Variants in SCFD2 observed in about 807,000 individuals in gnomAD.
SCFD2 encodes sec1 family domain-containing protein 2.
Under a neutral mutation model 58.9 loss-of-function variants are expected in SCFD2, and 54 were observed. The ratio of observed to expected loss-of-function variants is 0.92; its 90% CI spans 0.74 to 1.15. SCFD2 has a LOEUF of 1.15. SCFD2 is among the 50% of genes most tolerant of loss of function. The pLI, the probability that SCFD2 is intolerant of heterozygous loss-of-function variation, is 0.00. For synonymous variants in SCFD2, 321 were observed against 335.9 expected, an observed-to-expected ratio of 0.96 and a Z score of 0.49; for missense variants, 805 against 836.6, an observed-to-expected ratio of 0.96 and a Z score of 0.47.
intron 7 of SCFD2, among the ~76,000 whole-genome samples, chr4:52,896,251 G>C (rs954696875): frequency 2.6e-5 from 4 of 152,180 alleles, no homozygotes; most frequent in African/African-American, 9.7e-5. Flanking sequence ...CCTATGTCCT[G>C]AATGGTATTG....
intron 3 of SCFD2, among the ~76,000 whole-genome samples, chr4:53,292,715 G>T (rs1435603916): frequency 6.6e-6 from 1 of 152,112 alleles, no homozygotes; most frequent in Non-Finnish European, 1.5e-5. Context: ...ATACCCAAAG[G>T]AATATAAATC....
At chr4:53,352,467 A>T in intron 2 of SCFD2, 131 bp downstream of exon 2, 1 of 614,460 alleles carries the variant, frequency 1.6e-6, no homozygotes, top group Non-Finnish European at 2.7e-6. Context: ...CTTTTTGCTA[A>T]ATGCTACCCA....
chr4:53,159,787 CT>C (rs1726798829), intron 4 of SCFD2, among the ~76,000 whole-genome samples: 1 of 152,182 alleles, frequency 6.6e-6, no homozygotes, highest in African/African-American at 2.4e-5. Context: ...TTCAGAAGCC[CT>C]AGTGACAGCT....
intron 2 of SCFD2, among the ~76,000 whole-genome samples, chr4:53,338,557 A>C (rs945472944): frequency 3.4e-5 from 5 of 149,108 alleles, no homozygotes; most frequent in Non-Finnish European, 5.9e-5. Context: ...GGAGGCCAAA[A>C]GAAAGCAGTA....
intron 5 of SCFD2, among the ~76,000 whole-genome samples, chr4:52,971,876 A>G (rs1462751848): frequency 6.6e-6 from 1 of 152,226 alleles, no homozygotes; most frequent in African/African-American, 2.4e-5. Flanking sequence ...ATTCTTAAAG[A>G]AAAGAATTTT....
chr4:53,214,375 T>C (rs1728734701), intron 4 of SCFD2, among the ~76,000 whole-genome samples: 1 of 152,156 alleles, frequency 6.6e-6, no homozygotes, highest in South Asian at 2.1e-4. Context: ...TATCTCATTG[T>C]GATTTTGATT....
At chr4:53,224,747 T>C (rs1292575825) in intron 4 of SCFD2, among the ~76,000 whole-genome samples, 1 of 151,652 alleles carries the variant, frequency 6.6e-6, no homozygotes. Flanking sequence ...TAATTTGCTA[T>C]GCAGCAATAG....
chr4:53,076,725 G>T (rs1723987421), intron 5 of SCFD2, among the ~76,000 whole-genome samples: 1 of 152,158 alleles, frequency 6.6e-6, no homozygotes, highest in South Asian at 2.1e-4. Context: ...CCTTTAAATG[G>T]TGATGAGCAG....
chr4:53,185,176 C>T (rs548393099), intron 4 of SCFD2, among the ~76,000 whole-genome samples: 79 of 152,100 alleles, frequency 5.2e-4, no homozygotes, highest in South Asian at 5.2e-3. Flanking sequence ...AAATGATAAT[C>T]CTTTGTGATA....
chr4:53,165,047 G>A (rs1726967154), intron 4 of SCFD2, among the ~76,000 whole-genome samples: 2 of 152,158 alleles, frequency 1.3e-5, no homozygotes, highest in Admixed American at 6.5e-5. Flanking sequence ...CCTGGAATGC[G>A]CTTTTCTTCC....
At chr4:53,083,559 T>C (rs1316873380) in intron 5 of SCFD2, among the ~76,000 whole-genome samples, 1 of 152,190 alleles carries the variant, frequency 6.6e-6, no homozygotes, top group East Asian at 1.9e-4. Context: ...AACAAGATAC[T>C]AGCAAACCAA....
chr4:53,205,804 G>C (rs897052065), intron 4 of SCFD2, among the ~76,000 whole-genome samples: 6 of 151,764 alleles, frequency 4.0e-5, no homozygotes, highest in African/African-American at 7.3e-5. Context: ...GGAGCTTGCA[G>C]TGAGCCGAGA....
rs367697382 is a variant in SCFD2, at chr4:53,159,544, G to A, written c.1312-13962C>T. 7.2e-5 allele frequency among the ~76,000 whole-genome samples: 11 copies of A among 152,270 alleles called. No individual in the cohort carries two copies. The East Asian group carries it at 1.7e-3, about 24-fold the overall frequency. ...TTATAAGACAATAGATAAATTATATGAGAGTAGAGGCAGTAGCAGGGAAAC... is the reference window on the plus strand; with the variant it reads ...TTATAAGACAATAGATAAATTATATAAGAGTAGAGGCAGTAGCAGGGAAAC... On this transcript the variant is annotated intron_variant, in intron 4 of 8. Coordinates refer to ENST00000401642, the MANE Select transcript of SCFD2 (RefSeq NM_152540.4).
chr4:52,988,178 A>T (rs1721540883), intron 5 of SCFD2, among the ~76,000 whole-genome samples: 1 of 152,238 alleles, frequency 6.6e-6, no homozygotes, highest in Admixed American at 6.5e-5. Flanking sequence ...TGCAGCACAC[A>T]GAAGCTGGGA....
intron 5 of SCFD2, among the ~76,000 whole-genome samples, chr4:53,047,879 T>C (rs1723082652): frequency 6.6e-6 from 1 of 152,118 alleles, no homozygotes; most frequent in African/African-American, 2.4e-5. Context: ...TGCAGGGGTG[T>C]CTAATTCTTC....
chr4:53,292,862 C>T (rs1279078298), intron 3 of SCFD2, among the ~76,000 whole-genome samples: 2 of 150,744 alleles, frequency 1.3e-5, no homozygotes, highest in Non-Finnish European at 3.0e-5. Context: ...TACACTGAGG[C>T]CTGTCAGGGG....
At chr4:53,253,902 A>T (rs1322967682) in intron 4 of SCFD2, among the ~76,000 whole-genome samples, 1 of 150,378 alleles carries the variant, frequency 6.6e-6, no homozygotes, top group Non-Finnish European at 1.5e-5. Flanking sequence ...TAAAAAAAAA[A>T]AAAATAACAA....
At chr4:53,007,447 AC>A (rs1722004195) in intron 5 of SCFD2, among the ~76,000 whole-genome samples, 1 of 150,872 alleles carries the variant, frequency 6.6e-6, no homozygotes, top group South Asian at 2.1e-4. Context: ...GGAAGGATAG[AC>A]TTGTTACTGA....
intron 3 of SCFD2, among the ~76,000 whole-genome samples, chr4:53,288,800 C>T (rs916743355): frequency 6.6e-6 from 1 of 152,126 alleles, no homozygotes; most frequent in African/African-American, 2.4e-5. Flanking sequence ...CTCATAAAAA[C>T]ATATCAAAGT....
Sources: allele counts gnomAD v4.1 joint callset (sites outside exome capture counted in the v4.1 genomes callset), GRCh38; gene constraint gnomAD v4.1.1; transcripts MANE v1.5; gene names NCBI Gene and HGNC (gene_info 2026-07-23, HGNC 2026-07-21).